FLT1: variants seen among roughly 807,000 people sequenced by gnomAD.
The protein encoded by FLT1 is vascular endothelial growth factor receptor 1.
A neutral mutation model predicts 156.3 loss-of-function variants in FLT1; 49 were observed. That is an observed-to-expected ratio of 0.31 (90% CI 0.25 to 0.40). The LOEUF is 0.40. Among genes scored for constraint, FLT1 ranks in the 10% least tolerant of loss-of-function variants. The pLI is 1.00. For missense variants in FLT1, 1,322 were observed against 1,637.2 expected, an observed-to-expected ratio of 0.81 and a Z score of 3.32; for synonymous variants, 594 against 583.8, an observed-to-expected ratio of 1.02 and a Z score of -0.25.
intron 28 of FLT1, 49 bp from the exon 29 acceptor site, chr13:28,306,821 T>C: frequency 7.9e-7 from 1 of 1,268,270 alleles, no homozygotes; most frequent in Non-Finnish European, 1.2e-6. Context: ...CCAGCGGGGG[T>C]CCATGCTGAG....
chr13:28,311,820 T>G, intron 26 of FLT1, 88 bp from the exon 27 acceptor site: 1 of 1,431,822 alleles, frequency 7.0e-7, no homozygotes, highest in Non-Finnish European at 9.9e-7. Flanking sequence ...ACTATGTCAT[T>G]TGCACAATCT....
intron 17 of FLT1, among the ~76,000 whole-genome samples, chr13:28,334,805 C>A (rs1187248165): frequency 6.6e-6 from 1 of 152,172 alleles, no homozygotes; most frequent in Non-Finnish European, 1.5e-5. Flanking sequence ...TCATGGTCCC[C>A]ATAATGCTAT....
chr13:28,330,981 A>G (rs1176323373), intron 18 of FLT1, among the ~76,000 whole-genome samples: 1 of 152,212 alleles, frequency 6.6e-6, no homozygotes, highest in Non-Finnish European at 1.5e-5. Context: ...GGCGTGAGCC[A>G]CCACACCCAG....
chr13:28,400,173 A>G (rs576342524), intron 11 of FLT1, among the ~76,000 whole-genome samples: 1 of 152,206 alleles, frequency 6.6e-6, no homozygotes, highest in Non-Finnish European at 1.5e-5. Flanking sequence ...TACACCTTTA[A>G]TTGAATTTTT....
intron 10 of FLT1, among the ~76,000 whole-genome samples, chr13:28,410,443 G>A (rs780653710): frequency 6.6e-6 from 1 of 152,200 alleles, no homozygotes; most frequent in Non-Finnish European, 1.5e-5. Context: ...TTTAGTGCCT[G>A]TTATGGTACC....
intron 11 of FLT1, among the ~76,000 whole-genome samples, chr13:28,403,925 C>G (rs542634523): frequency 6.6e-6 from 1 of 152,008 alleles, no homozygotes; most frequent in Non-Finnish European, 1.5e-5. Context: ...GCCTGTAATC[C>G]CAGCTACTTG....
intron 12 of FLT1, among the ~76,000 whole-genome samples, chr13:28,392,572 T>TAGAG (rs1874805485): frequency 1.3e-5 from 2 of 152,260 alleles, no homozygotes; most frequent in African/African-American, 4.8e-5. Flanking sequence ...AGAGAGTTTC[T>TAGAG]ATTTACTTTA....
chr13:28,325,196 C>G (rs958515743), intron 20 of FLT1, among the ~76,000 whole-genome samples: 2 of 152,196 alleles, frequency 1.3e-5, no homozygotes, highest in African/African-American at 2.4e-5. Flanking sequence ...CAAACCCAAA[C>G]GTTCCATCCT....
Position 28,302,980 on chromosome 13 carries a change from T to A in FLT1, c.*187A>T, listed in dbSNP as rs1333517822. On this transcript the variant is annotated 3_prime_UTR_variant, in exon 30 of 30. Coordinates refer to ENST00000282397, the MANE Select transcript of FLT1 (RefSeq NM_002019.4). ...GTAGTGTTCTTCACTTGTCACTATTTCTCTATCTGGAGTTACATTCTTGTT... is the reference window on the plus strand; with the variant it reads ...GTAGTGTTCTTCACTTGTCACTATTACTCTATCTGGAGTTACATTCTTGTT... 5 of 601,224 alleles carry A rather than the reference T, an allele frequency of 8.3e-6. No homozygotes were observed. Among genetic ancestry groups the A allele is most frequent in the Non-Finnish European group, 1.5e-5 (5 of 340,624 alleles). The allele number at this position is 601,224 out of a possible 1,614,324, so 37.2% of individuals were successfully genotyped here.
intron 28 of FLT1, 76 bp downstream of exon 28, chr13:28,308,766 AC>A: frequency 1.1e-6 from 1 of 878,510 alleles, no homozygotes; most frequent in South Asian, 1.3e-5. Flanking sequence ...CTACTACATT[AC>A]TGGCGTTGGT....
intron 12 of FLT1, among the ~76,000 whole-genome samples, chr13:28,396,226 C>T (rs1186788142): frequency 2.6e-5 from 4 of 152,176 alleles, no homozygotes; most frequent in Non-Finnish European, 5.9e-5. Flanking sequence ...GAACTTTTGG[C>T]AATTTCTGCA....
In FLT1 at chr13:28,460,513, A is replaced by C. The variant is rs568440878; in HGVS notation, c.388+6390T>G. On this transcript the variant is annotated intron_variant, in intron 3 of 29. Transcript: ENST00000282397. Reference sequence around the variant, plus strand: ...TGGAAACTCCTGGGCCAAGCCTCCGAGTGGGAAAACTCAGTTCAGGAGTGA... The same window carrying C: ...TGGAAACTCCTGGGCCAAGCCTCCGCGTGGGAAAACTCAGTTCAGGAGTGA... 2.0e-5 allele frequency among the ~76,000 whole-genome samples: 3 copies of C among 152,186 alleles called. No individual in the cohort carries two copies. In the South Asian group the frequency reaches 6.2e-4, roughly 32 times the overall value.
intron 3 of FLT1, among the ~76,000 whole-genome samples, chr13:28,447,649 A>G (rs916934401): frequency 7.2e-5 from 11 of 152,146 alleles, no homozygotes; most frequent in African/African-American, 2.7e-4. Context: ...CTGTGTAGAA[A>G]GTGAAAAGGT....
At position 28,469,704 on chromosome 13, in the gene FLT1, A is replaced by T. The variant is rs577928222; in HGVS notation, c.65-2087T>A. On this transcript the variant is annotated intron_variant, in intron 1 of 29. Transcript: ENST00000282397. ...AATTTCAAAGATACTAAATTAACAT[A>T]TGCTTTTCTGGTATTGCTGATGATA... Among the ~76,000 whole-genome samples, 3 of 152,314 alleles carry T rather than the reference A, an allele frequency of 2.0e-5. No individual in the cohort carries two copies. In the South Asian group the frequency reaches 6.2e-4, roughly 32 times the overall value.
intron 16 of FLT1, among the ~76,000 whole-genome samples, chr13:28,340,840 C>G (rs926516589): frequency 2.0e-5 from 3 of 151,586 alleles, no homozygotes; most frequent in African/African-American, 7.3e-5. Context: ...GGATGAGAAG[C>G]AAAAAACGAT....
chr13:28,363,879 A>G (rs1418290689), intron 14 of FLT1, among the ~76,000 whole-genome samples: 1 of 147,784 alleles, frequency 6.8e-6, no homozygotes, highest in Non-Finnish European at 1.5e-5. Flanking sequence ...AAGTGCTGGG[A>G]TTACAGGGGT....
chr13:28,314,304 G>A (rs144873010), intron 25 of FLT1, among the ~76,000 whole-genome samples: 1 of 152,110 alleles, frequency 6.6e-6, no homozygotes, highest in East Asian at 1.9e-4. Flanking sequence ...ACCACTTGCT[G>A]TTTGTTACTT....
chr13:28,434,582 A>G (rs1877917262), intron 4 of FLT1, among the ~76,000 whole-genome samples: 1 of 152,192 alleles, frequency 6.6e-6, no homozygotes, highest in Non-Finnish European at 1.5e-5. Flanking sequence ...CAGACACTCA[A>G]TAGACAAACC....
chr13:28,420,323 G>A (rs1373119026), intron 10 of FLT1, among the ~76,000 whole-genome samples: 1 of 152,196 alleles, frequency 6.6e-6, no homozygotes. Flanking sequence ...TGCTAAAGTG[G>A]TCTTTGGTCA....
Sources: gnomAD v4.1 joint callset for allele counts (sites outside exome capture counted in the v4.1 genomes callset) on GRCh38, gnomAD v4.1.1 for gene constraint, MANE v1.5 for transcripts, NCBI Gene and HGNC (gene_info 2026-07-23, HGNC 2026-07-21) for gene names.